COL23A1: variants seen among roughly 807,000 people sequenced by gnomAD.
COL23A1 encodes collagen type XXIII alpha 1 chain.
A neutral mutation model predicts 99.3 loss-of-function variants in COL23A1; 97 were observed. The observed-to-expected ratio is 0.98, with a 90% CI of 0.83 to 1.16. The LOEUF (loss-of-function observed/expected upper bound fraction) is 1.16, where lower values mean the gene tolerates loss of function less well. Among genes scored for constraint, COL23A1 ranks in the 50% most tolerant of loss-of-function variants. COL23A1 has a pLI of 0.00. For synonymous variants in COL23A1, 320 were observed against 308.2 expected (o/e 1.04, Z -0.40); for missense variants, 762 against 757.4 (o/e 1.01, Z -0.07).
chr5:178,530,691 C>G (rs113713109), intron 2 of COL23A1, among the ~76,000 whole-genome samples: 7 of 151,580 alleles, frequency 4.6e-5, no homozygotes, highest in African/African-American at 1.7e-4. Context: ...AGCCACAGCT[C>G]CCTCCGGCTG....
At chr5:178,337,902 T>C (rs898118561) in intron 2 of COL23A1, among the ~76,000 whole-genome samples, 4 of 152,240 alleles carry the variant, frequency 2.6e-5, no homozygotes, top group African/African-American at 9.6e-5. Flanking sequence ...TTTTTCATTA[T>C]TATTGTTAAA....
chr5:178,420,245 C>A (rs1367121591), intron 2 of COL23A1, among the ~76,000 whole-genome samples: 1 of 152,090 alleles, frequency 6.6e-6, no homozygotes, highest in African/African-American at 2.4e-5. Flanking sequence ...AATAGATGCA[C>A]TTCCGTGGGG....
At position 178,398,497 on chromosome 5, in the gene COL23A1, C is replaced by T. The variant is rs1033291924; in HGVS notation, c.362-91578G>A. ...CAAAAATTAGCTGGGCGTGGTGGCA[C>T]GTGCCTATAGTCCCAGCTACTTGGG... On this transcript the variant is annotated intron_variant, in intron 2 of 28. Coordinates refer to ENST00000390654, the MANE Select transcript of COL23A1 (RefSeq NM_173465.4). Among the ~76,000 whole-genome samples, 15 of 151,890 alleles carry T rather than the reference C, an allele frequency of 9.9e-5. No homozygotes were observed. In the East Asian group the frequency reaches 1.6e-3, roughly 16 times the overall value.
intron 2 of COL23A1, among the ~76,000 whole-genome samples, chr5:178,444,993 T>C (rs191587092): frequency 9.2e-4 from 140 of 152,318 alleles, no homozygotes; most frequent in African/African-American, 3.2e-3. Context: ...CAATAAATGT[T>C]ACTTGCTATT....
At chr5:178,259,096 T>G (rs565456517) in intron 12 of COL23A1, among the ~76,000 whole-genome samples, 1 of 152,020 alleles carries the variant, frequency 6.6e-6, no homozygotes, top group Non-Finnish European at 1.5e-5. Context: ...TATTTTTGGA[T>G]TTTTAGGAGA....
intron 25 of COL23A1, among the ~76,000 whole-genome samples, chr5:178,243,379 T>C (rs1211451478): frequency 2.7e-5 from 4 of 150,210 alleles, no homozygotes; most frequent in African/African-American, 9.8e-5. Flanking sequence ...CCCAGCTACT[T>C]GGGAGGTTGA....
At chr5:178,459,998 T>C (rs1003647129) in intron 2 of COL23A1, among the ~76,000 whole-genome samples, 3 of 152,228 alleles carry the variant, frequency 2.0e-5, no homozygotes, top group African/African-American at 4.8e-5. Flanking sequence ...TGGGTGTTTT[T>C]AAAATCTCCT....
intron 2 of COL23A1, among the ~76,000 whole-genome samples, chr5:178,412,121 C>A (rs921178206): frequency 6.6e-6 from 1 of 152,094 alleles, no homozygotes; most frequent in Non-Finnish European, 1.5e-5. Flanking sequence ...AAGTATCGAT[C>A]AATTGAGGAG....
chr5:178,298,243 G>C (rs1757851741), intron 3 of COL23A1, among the ~76,000 whole-genome samples: 1 of 152,200 alleles, frequency 6.6e-6, no homozygotes. Context: ...GCCCAAGAGA[G>C]TTCCTCAAAC....
intron 27 of COL23A1, among the ~76,000 whole-genome samples, chr5:178,240,834 C>T (rs1581427654): frequency 6.6e-6 from 1 of 152,210 alleles, no homozygotes. Flanking sequence ...GCTGGAGTGG[C>T]CACGTCTGAA....
Position 178,280,597 on chromosome 5 carries a change from C to CT in COL23A1, c.441+7726dup, listed in dbSNP as rs1011533483. ...CGAAGACCTGGGCTTGGCTCGGTGA[C>CT]TTTGTGCAGGTCTGTGAACATGTTC... On this transcript the variant is annotated intron_variant, in intron 5 of 28. Transcript: ENST00000390654. The surrounding 1 kb of genome is among the most constrained non-coding windows in gnomAD (Gnocchi z 4.9). Among the ~76,000 whole-genome samples the CT allele has an allele frequency of 6.6e-6, 1 of 152,132 alleles. No homozygotes were observed. The highest frequency in any genetic ancestry group is 1.5e-5 in the Non-Finnish European group (1 of 68,026).
At chr5:178,570,991 C>G (rs1218402900) in intron 1 of COL23A1, among the ~76,000 whole-genome samples, 1 of 152,164 alleles carries the variant, frequency 6.6e-6, no homozygotes, top group East Asian at 1.9e-4. Flanking sequence ...GCACCGCAGA[C>G]AGCATTCACA....
intron 2 of COL23A1, among the ~76,000 whole-genome samples, chr5:178,344,518 T>A (rs1760852225): frequency 6.6e-6 from 1 of 152,036 alleles, no homozygotes; most frequent in African/African-American, 2.4e-5. Flanking sequence ...GCCCTTGTAG[T>A]CCCAGCTACG....
intron 2 of COL23A1, chr5:178,345,031 T>C (rs1422137192): frequency 3.4e-6 from 2 of 581,212 alleles, no homozygotes; most frequent in African/African-American, 3.7e-5. Flanking sequence ...ACTCACCACC[T>C]GGAGATCTCC....
chr5:178,468,618 C>A lies in COL23A1; in HGVS notation c.361+92064G>T, dbSNP rs1434642131. Among the ~76,000 whole-genome samples the A allele has an allele frequency of 1.3e-5, 2 of 152,112 alleles. No homozygotes were observed. The highest frequency in any genetic ancestry group is 2.1e-4 in the South Asian group (1 of 4,820). ...CAGCTTCCCCTCCCCTCGAGTCCCC[C>A]CAGGCAGCCTGGAGGGAAGGGCCGG... On this transcript the variant is annotated intron_variant, in intron 2 of 28. Coordinates refer to ENST00000390654, the MANE Select transcript of COL23A1 (RefSeq NM_173465.4). This position sits in a 1 kb window ranked among gnomAD's most constrained non-coding sequence, Gnocchi z 4.2.
At chr5:178,311,760 T>A (rs1581131950) in intron 2 of COL23A1, among the ~76,000 whole-genome samples, 1 of 135,880 alleles carries the variant, frequency 7.4e-6, no homozygotes, top group African/African-American at 2.7e-5. Flanking sequence ...AGACGGAGTC[T>A]CACTCTGTTG....
At chr5:178,367,613 G>T in intron 2 of COL23A1, among the ~76,000 whole-genome samples, 1 of 152,202 alleles carries the variant, frequency 6.6e-6, no homozygotes, top group East Asian at 1.9e-4. Flanking sequence ...GAGGCTGGGG[G>T]CGGGGTCAAA....
chr5:178,390,005 CTA>C (rs1763882214), intron 2 of COL23A1, among the ~76,000 whole-genome samples: 1 of 152,196 alleles, frequency 6.6e-6, no homozygotes, highest in South Asian at 2.1e-4. Flanking sequence ...TGCTCAGAGA[CTA>C]TGTGTCCTGC....
intron 1 of COL23A1, among the ~76,000 whole-genome samples, chr5:178,580,828 T>C (rs1273749140): frequency 3.7e-4 from 56 of 152,180 alleles, no homozygotes. Context: ...AAGACCAGCC[T>C]GGTCAACACA....
Sources: gnomAD v4.1 joint callset for allele counts (sites outside exome capture counted in the v4.1 genomes callset) on GRCh38, gnomAD v4.1.1 for gene constraint, Gnocchi (gnomAD v3.1) non-coding constraint, MANE v1.5 for transcripts, NCBI Gene and HGNC (gene_info 2026-07-23, HGNC 2026-07-21) for gene names.